The following AJAP1 variants were observed in gnomAD, a reference collection of about 807,000 sequenced individuals.
AJAP1 encodes the protein adherens junction-associated protein 1.
Under a neutral mutation model 35.0 loss-of-function variants are expected in AJAP1, and 5 were observed. That is an observed-to-expected ratio of 0.14 (90% confidence interval 0.07 to 0.30). The LOEUF (loss-of-function observed/expected upper bound fraction) is 0.30. Ranked by LOEUF, AJAP1 falls within the 10% of genes least tolerant of loss-of-function variation. The pLI is 1.00. For synonymous variants in AJAP1, 284 were observed against 249.3 expected, an observed-to-expected ratio of 1.14 and a Z score of -1.31; for missense variants, 586 against 571.0, an observed-to-expected ratio of 1.03 and a Z score of -0.27.
intron 1 of AJAP1, among the ~76,000 whole-genome samples, chr1:4,665,573 G>T (rs933297710): frequency 6.6e-6 from 1 of 152,186 alleles, no homozygotes; most frequent in Non-Finnish European, 1.5e-5. Flanking sequence ...CACCCCGACG[G>T]TCCCTGGGGA....
chr1:4,771,284 G>T (rs2100361028), intron 3 of AJAP1, among the ~76,000 whole-genome samples: 1 of 152,306 alleles, frequency 6.6e-6, no homozygotes, highest in Admixed American at 6.5e-5. Context: ...TTCTGACCTT[G>T]GTGTATGGGG....
intron 1 of AJAP1, among the ~76,000 whole-genome samples, chr1:4,681,329 T>C (rs1270354839): frequency 6.6e-6 from 1 of 152,206 alleles, no homozygotes; most frequent in Non-Finnish European, 1.5e-5. Flanking sequence ...GGCCACACTG[T>C]TGGCGTCCCC....
rs1570241146 is a variant in AJAP1 at position 4,786,222 on chromosome 1, C to T, written c.*3737C>T. On this transcript the variant is annotated 3_prime_UTR_variant, in exon 6 of 6. Transcript: ENST00000378191. ...TGCTAGTGTTCCTATTTACTGCCCT[C>T]CTTGCACACAGAAGGGAGAGGCCAC... The T allele has an allele frequency of 6.6e-6, 1 of 152,294 alleles. No homozygotes were observed. The highest frequency in any genetic ancestry group is 1.5e-5 in the Non-Finnish European group (1 of 68,038). The allele number at this position is 152,294 out of a possible 1,614,324, so 9.4% of individuals were successfully genotyped here.
intron 1 of AJAP1, among the ~76,000 whole-genome samples, chr1:4,680,544 G>A (rs1450791742): frequency 6.6e-6 from 1 of 152,144 alleles, no homozygotes; most frequent in Non-Finnish European, 1.5e-5. Context: ...TTTCTACCCT[G>A]TAGTGCTCAG....
At chr1:4,750,506 G>C (rs1039342635) in intron 2 of AJAP1, among the ~76,000 whole-genome samples, 7 of 152,170 alleles carry the variant, frequency 4.6e-5, no homozygotes, top group African/African-American at 1.7e-4. Flanking sequence ...AGACAGAGCA[G>C]TGCCCTCTGC....
Position 4,787,717 on chromosome 1 carries a change from C to A in AJAP1, c.*5232C>A, listed in dbSNP as rs1314345790. The A allele has an allele frequency of 2.2e-6, 1 of 456,108 alleles. No homozygotes were observed. Among genetic ancestry groups the A allele is most frequent in the South Asian group, 1.5e-5 (1 of 64,534 alleles). The allele number at this position is 456,108 out of a possible 1,614,324, so 28.3% of individuals were successfully genotyped here. A position where few individuals can be genotyped will look rare whatever the true frequency, so the allele number is the denominator to read the frequency against. On this transcript the variant is annotated 3_prime_UTR_variant, in exon 6 of 6. Transcript: ENST00000378191. ...GGTCCCATCTGTCAGGTTGCCAGGC[C>A]AAGCAGGTCTCAGGTCAGCCAGGTC...
intron 1 of AJAP1, among the ~76,000 whole-genome samples, chr1:4,662,688 G>A (rs1315722612): frequency 1.3e-5 from 2 of 152,236 alleles, no homozygotes; most frequent in Non-Finnish European, 2.9e-5. Context: ...CTAGGCGCCC[G>A]TGGTCCAGCT....
At position 4,692,651 on chromosome 1, in the gene AJAP1, G is replaced by A. The variant is rs549118880; in HGVS notation, c.30-19249G>A. Among the ~76,000 whole-genome samples the A allele has an allele frequency of 8.8e-4, 134 of 152,266 alleles. 3 individuals are homozygous for A. The South Asian group carries it at 0.023, about 26-fold the overall frequency. On this transcript the variant is annotated intron_variant, in intron 1 of 5. Coordinates refer to ENST00000378191, the MANE Select transcript of AJAP1 (RefSeq NM_018836.4). The surrounding 1 kb of genome is among the most constrained non-coding windows in gnomAD (Gnocchi z 4.4). ...TCCTTCTCTCCCTGCCTCCTGTCCC[G>A]GGTCAACTCCTACTTGGCATTGGAG...
At chr1:4,756,782 G>C (rs938892697) in intron 2 of AJAP1, among the ~76,000 whole-genome samples, 4 of 152,214 alleles carry the variant, frequency 2.6e-5, no homozygotes, top group African/African-American at 7.2e-5. Flanking sequence ...GACTCTCCAG[G>C]AGGGAACTAA....
At chr1:4,719,689 A>G (rs1038293152) in intron 2 of AJAP1, among the ~76,000 whole-genome samples, 1 of 152,160 alleles carries the variant, frequency 6.6e-6, no homozygotes, top group Admixed American at 6.5e-5. Context: ...ACAACCTCCG[A>G]GGTCCCTCCT....
At chr1:4,678,424 C>T (rs61765024) in intron 1 of AJAP1, among the ~76,000 whole-genome samples, 24,492 of 152,128 alleles carry the variant, frequency 0.16, 2,519 homozygotes, top group South Asian at 0.31. Flanking sequence ...AGATGTTGGC[C>T]GGGTCTGTGA....
At position 4,791,156 on chromosome 1, in the gene AJAP1, C is replaced by A. The variant is rs1463787970; in HGVS notation, c.*8671C>A. 1 of 152,046 alleles carries A rather than the reference C, an allele frequency of 6.6e-6. No homozygotes were observed. The highest frequency in any genetic ancestry group is 1.5e-5 in the Non-Finnish European group (1 of 68,032). The allele number at this position is 152,046 out of a possible 1,614,324, so 9.4% of individuals were successfully genotyped here. On this transcript the variant is annotated 3_prime_UTR_variant, in exon 6 of 6. Coordinates refer to ENST00000378191, the MANE Select transcript of AJAP1 (RefSeq NM_018836.4). The stretch of plus-strand genomic sequence containing the variant: ...GACCTTTACTAACTGACTCTTGGTA[C>A]CCGGATTGTTGAGAGGTGAGTGGGA...
intron 2 of AJAP1, among the ~76,000 whole-genome samples, chr1:4,744,779 A>G (rs138245242): frequency 6.9e-4 from 105 of 152,296 alleles, no homozygotes; most frequent in African/African-American, 2.2e-3. Flanking sequence ...GCACACAGGT[A>G]TGGGCACACA....
intron 1 of AJAP1, among the ~76,000 whole-genome samples, chr1:4,662,936 A>T (rs1639034757): frequency 6.6e-6 from 1 of 152,070 alleles, no homozygotes; most frequent in South Asian, 2.1e-4. Context: ...GGTGGAGGGG[A>T]GAGGGTCAGT....
In AJAP1 at chr1:4,783,523, A is replaced by ATG; in HGVS notation, c.*1039_*1040insGT. On this transcript the variant is annotated 3_prime_UTR_variant, in exon 6 of 6. Transcript: ENST00000378191. Reference sequence around the variant, plus strand: ...TATATATATATATGTTTGTGTGTGTATATATATATATATATATATATGTTT... The same window carrying ATG: ...TATATATATATATGTTTGTGTGTGTATGTATATATATATATATATATATGTTT... 1 of 76,916 alleles carries ATG rather than the reference A, an allele frequency of 1.3e-5. No individual in the cohort carries two copies. Among genetic ancestry groups the ATG allele is most frequent in the South Asian group, 3.5e-4 (1 of 2,898 alleles). The allele number at this position is 76,916 out of a possible 1,614,324, so 4.8% of individuals were successfully genotyped here. A position where few individuals can be genotyped will look rare whatever the true frequency, so the allele number is the denominator to read the frequency against.
intron 1 of AJAP1, among the ~76,000 whole-genome samples, chr1:4,667,744 G>A (rs893720182): frequency 2.0e-5 from 3 of 152,168 alleles, no homozygotes; most frequent in Non-Finnish European, 4.4e-5. Flanking sequence ...TAGAGAACCG[G>A]ACCCCCAGTC....
chr1:4,762,569 A>G (rs1641591109), intron 2 of AJAP1, among the ~76,000 whole-genome samples: 2 of 152,242 alleles, frequency 1.3e-5, no homozygotes, highest in Admixed American at 6.5e-5. Context: ...AGTGCTGTCT[A>G]CATTTCTCCA....
In AJAP1 at chr1:4,667,029, G is replaced by A. The variant is rs371236172; in HGVS notation, c.29+11575G>A. Among the ~76,000 whole-genome samples, 3 of 152,150 alleles carry A rather than the reference G, an allele frequency of 2.0e-5. 1 individual carries two copies. Among genetic ancestry groups the A allele is most frequent in the African/African-American group, 7.2e-5 (3 of 41,426 alleles). ...GGCCCGTGAATCATGGGAGCTGCGT[G>A]GGATGGAACCTCTGTGTCCTGGTGG... On this transcript the variant is annotated intron_variant, in intron 1 of 5. Transcript: ENST00000378191.
chr1:4,664,014 T>TA (rs1172461382), intron 1 of AJAP1, among the ~76,000 whole-genome samples: 2 of 152,198 alleles, frequency 1.3e-5, no homozygotes, highest in Non-Finnish European at 2.9e-5. Context: ...GCATGACACT[T>TA]ACTATGTAGC....
Sources: gnomAD v4.1 joint callset for allele counts (sites outside exome capture counted in the v4.1 genomes callset) on GRCh38, gnomAD v4.1.1 for gene constraint, Gnocchi (gnomAD v3.1) non-coding constraint, MANE v1.5 for transcripts, NCBI Gene and HGNC (gene_info 2026-07-23, HGNC 2026-07-21) for gene names.